Variants in PSMC3 observed in about 807,000 individuals in gnomAD.
PSMC3 encodes the protein proteasome 26S subunit, ATPase 3.
Under a neutral mutation model 52.0 loss-of-function variants are expected in PSMC3, and 11 were observed. That is an observed-to-expected ratio of 0.21 (90% CI 0.13 to 0.35). PSMC3 has a LOEUF of 0.35. PSMC3 is among the 10% of genes least tolerant of loss of function. PSMC3 has a pLI of 1.00. For synonymous variants in PSMC3, 201 were observed against 218.8 expected (o/e 0.92, Z 0.72); for missense variants, 238 against 567.1 (o/e 0.42, Z 5.89).
Position 47,424,391 on chromosome 11 carries a change from C to A in PSMC3, c.453+38G>T. 6.2e-7 allele frequency: 1 copy of A among 1,608,242 alleles called. No individual in the cohort carries two copies. Among genetic ancestry groups the A allele is most frequent in the South Asian group, 1.1e-5 (1 of 90,838 alleles). On this transcript the variant is annotated intron_variant, in intron 5 of 11. Coordinates refer to ENST00000298852, the MANE Select transcript of PSMC3 (RefSeq NM_002804.5). This position sits in a 1 kb window ranked among gnomAD's most constrained non-coding sequence, Gnocchi z 4.8. ...GGGCGGGTACAGGGGCTCAGCTAGT[C>A]ACCAGAAAAGCACTGCCTGGGCTCA...
At chr11:47,420,562 C>T (rs2096039276) in intron 9 of PSMC3, 69 bp downstream of exon 9, 2 of 1,509,484 alleles carry the variant, frequency 1.3e-6, no homozygotes, top group African/African-American at 1.4e-5. Context: ...CCACCACTGG[C>T]TAGCTGGGGG....
chr11:47,425,025 C>T, intron 3 of PSMC3, 96 bp downstream of exon 3: 1 of 1,557,118 alleles, frequency 6.4e-7, no homozygotes, highest in Non-Finnish European at 8.8e-7. Context: ...GCAGTTTGGC[C>T]TCAATACCTC....
In PSMC3 at chr11:47,424,014, A is replaced by G. The variant is rs1333006959; in HGVS notation, c.591+32T>C. 6 of 1,614,088 alleles carry G rather than the reference A, an allele frequency of 3.7e-6. No homozygotes were observed. Among genetic ancestry groups the G allele is most frequent in the Admixed American group, 3.3e-5 (2 of 60,024 alleles). On this transcript the variant is annotated intron_variant, in intron 6 of 11. Transcript: ENST00000298852. This position sits in a 1 kb window ranked among gnomAD's most constrained non-coding sequence, Gnocchi z 4.8. ...GGCGTGGAGAAACTAAAAGGCTGACAAGGCTGCTGGCAGCTGCCGTGCCTC... is the reference window on the plus strand; with the variant it reads ...GGCGTGGAGAAACTAAAAGGCTGACGAGGCTGCTGGCAGCTGCCGTGCCTC...
chr11:47,419,271 G>C, intron 10 of PSMC3, 74 bp from the exon 11 acceptor site: 1 of 1,497,772 alleles, frequency 6.7e-7, no homozygotes, highest in Non-Finnish European at 9.3e-7. Flanking sequence ...TCCTCCCCTG[G>C]CCCCGTCAAG....
In PSMC3 at chr11:47,424,164, T is replaced by C; in HGVS notation, c.473A>G (p.Tyr158Cys). 1 of 1,614,160 alleles carries C rather than the reference T, an allele frequency of 6.2e-7. No homozygotes were observed. Reference protein sequence around the residue: ...GDLVGVNKDSYLILETLPTEY... With the variant: ...GDLVGVNKDSCLILETLPTEY... The stretch of plus-strand genomic sequence containing the variant: ...TGTGGGCAGCGTCTCCAGGATCAGA[T>C]AGGAGTCTTTGTTCACACCCTAAGG... Residue 158 changes from tyrosine (Y) to cysteine (C), a missense_variant, in exon 6 of 12, where the codon TAT becomes TGT. This residue lies in a region of PSMC3 where 60 missense variants were observed against 117.3 expected (regional missense o/e 0.51). Coordinates refer to ENST00000298852, the MANE Select transcript of PSMC3 (RefSeq NM_002804.5). This position sits in a 1 kb window ranked among gnomAD's most constrained non-coding sequence, Gnocchi z 4.8.
rs1352019470 is a variant in PSMC3, at chr11:47,426,292, C to A, written c.-13G>T. 4.5e-6 allele frequency: 7 copies of A among 1,549,648 alleles called. No individual in the cohort carries two copies. Among genetic ancestry groups the A allele is most frequent in the Admixed American group, 2.0e-5 (1 of 50,758 alleles). On this transcript the variant is annotated 5_prime_UTR_variant, in exon 1 of 12. Transcript: ENST00000298852. The stretch of plus-strand genomic sequence containing the variant: ...GCAGCAGATTCATTTCCTGGAGGAG[C>A]GGGCAGAAGATGGGACCAGGCGGGA...
intron 10 of PSMC3, 21 bp downstream of exon 10, chr11:47,420,243 C>T (rs952840881): frequency 3.1e-6 from 5 of 1,613,312 alleles, no homozygotes; most frequent in Non-Finnish European, 3.4e-6. Context: ...GTCTCTGTGC[C>T]CTGCCCGTGC....
chr11:47,420,852 C>G, intron 8 of PSMC3, 125 bp from the exon 9 acceptor site: 1 of 764,588 alleles, frequency 1.3e-6, no homozygotes, highest in Non-Finnish European at 2.1e-6. Context: ...CAACTTGGGG[C>G]CCCCAGCCCA....
chr11:47,425,205 T>C lies in PSMC3; in HGVS notation c.201A>G (p.Gln67=), dbSNP rs560520604. The change falls in exon 3 of 12, where the codon CAA becomes CAG. Residue 67 remains glutamine (Q), a synonymous_variant. Transcript: ENST00000298852. Reference sequence around the variant, plus strand: ...TCTCTTTTATCTTGTCCTTCATGGCTTGGAGCTCATGGGTGACTCTCAACA... The same window carrying C: ...TCTCTTTTATCTTGTCCTTCATGGCCTGGAGCTCATGGGTGACTCTCAACA... ...SEVLRVTHEL[Q]AMKDKIKENS... 13 of 1,614,150 alleles carry C rather than the reference T, an allele frequency of 8.1e-6. No individual in the cohort carries two copies. In the East Asian group the frequency reaches 2.9e-4, roughly 36 times the overall value.
At position 47,425,151 on chromosome 11, in the gene PSMC3, G is replaced by T. The variant is rs761670119; in HGVS notation, c.255C>A (p.Thr85=). Reference sequence around the variant, plus strand: ...TGACGTTGGAGACAAGGTACGGCAGGGTCTTGTTCACTTTGATTTTCTCAC... The same window carrying T: ...TGACGTTGGAGACAAGGTACGGCAGTGTCTTGTTCACTTTGATTTTCTCAC... ...ENSEKIKVNK[T]LPYLVSNVIE... Residue 85 remains threonine, a synonymous_variant, in exon 3 of 12, where the codon ACC becomes ACA. Transcript: ENST00000298852. 7 of 1,613,962 alleles carry T rather than the reference G, an allele frequency of 4.3e-6. No homozygotes were observed. The highest frequency in any genetic ancestry group is 5.9e-6 in the Non-Finnish European group (7 of 1,180,028).
chr11:47,418,991 T>C (rs779377840), intron 11 of PSMC3, 46 bp from the exon 12 acceptor site: 1 of 1,608,602 alleles, frequency 6.2e-7, no homozygotes, highest in Non-Finnish European at 8.5e-7. Context: ...CCTGAATGCC[T>C]TCCCTGGCTC....
Position 47,422,739 on chromosome 11 carries a change from G to C in PSMC3, c.736-17C>G. The C allele has an allele frequency of 6.2e-7, 1 of 1,614,034 alleles. No individual in the cohort carries two copies. Among genetic ancestry groups the C allele is most frequent in the African/African-American group, 1.3e-5 (1 of 75,040 alleles). On this transcript the variant is annotated splice_polypyrimidine_tract_variant and intron_variant, in intron 7 of 11. Transcript: ENST00000298852. The surrounding 1 kb of genome is among the most constrained non-coding windows in gnomAD (Gnocchi z 4.3). Reference sequence around the variant, plus strand: ...GAAGGTGGCCTGGCAGGAAAAGGTGGTAGAGTCAGGTCAAAGGCAGACCCT... The same window carrying C: ...GAAGGTGGCCTGGCAGGAAAAGGTGCTAGAGTCAGGTCAAAGGCAGACCCT...
chr11:47,424,236 A>C lies in PSMC3; in HGVS notation c.454-53T>G, dbSNP rs1472185116. ...TTTGGCCCAGCTCAAGGGCTACCCA[A>C]CTGACTGGGTGACAGGTGTCTGCAG... is the stretch of plus-strand genomic sequence containing the variant. On this transcript the variant is annotated intron_variant, in intron 5 of 11. Transcript: ENST00000298852. The surrounding 1 kb of genome is among the most constrained non-coding windows in gnomAD (Gnocchi z 4.8). 6.2e-7 allele frequency: 1 copy of C among 1,612,482 alleles called. No individual in the cohort carries two copies. The highest frequency in any genetic ancestry group is 8.5e-7 in the Non-Finnish European group (1 of 1,178,544).
intron 2 of PSMC3, chr11:47,425,513 C>T (rs2096045375): frequency 1.8e-6 from 1 of 566,566 alleles, no homozygotes; most frequent in Non-Finnish European, 3.1e-6. Flanking sequence ...TTAGGTTCTG[C>T]CTCATAGTAA....
chr11:47,424,051 G>T lies in PSMC3; in HGVS notation c.586C>A (p.Gln196Lys). The T allele has an allele frequency of 6.2e-7, 1 of 1,614,174 alleles. No homozygotes were observed. Among genetic ancestry groups the T allele is most frequent in the Non-Finnish European group, 8.5e-7 (1 of 1,180,034 alleles). ...SDIGGLDKQI[Q>K]ELVEAIVLPM... ...AGCTGCCGTGCCTCCCTCACCTCCTGGATCTGCTTGTCCAAACCCCCAATG... is the reference window on the plus strand; with the variant it reads ...AGCTGCCGTGCCTCCCTCACCTCCTTGATCTGCTTGTCCAAACCCCCAATG... The change falls in exon 6 of 12, where the codon CAG becomes AAG. Residue 196 changes from glutamine (Q) to lysine (K), a missense_variant. Around this residue, in one of 6 missense-constraint regions of PSMC3, gnomAD observed 60 missense variants for 117.3 expected, o/e 0.51. Transcript: ENST00000298852. This position sits in a 1 kb window ranked among gnomAD's most constrained non-coding sequence, Gnocchi z 4.8.
chr11:47,422,489 G>A lies in PSMC3; in HGVS notation c.884+85C>T. On this transcript the variant is annotated intron_variant, in intron 8 of 11. Transcript: ENST00000298852. This position sits in a 1 kb window ranked among gnomAD's most constrained non-coding sequence, Gnocchi z 4.3. ...GGCAGGAGGGGATACAGGGTGGGAA[G>A]GAACCACAATTTAGCACAACTGAGA... 1.3e-6 allele frequency: 2 copies of A among 1,535,936 alleles called. No homozygotes were observed. The highest frequency in any genetic ancestry group is 3.5e-4 in the Middle Eastern group (2 of 5,796).
In PSMC3 at chr11:47,426,164, C is replaced by T. The variant is rs1250620191; in HGVS notation, c.75+41G>A. ...CCCTCTTGTCAATGGCGTCTCCCTG[C>T]GGGCCCCGGTTCCCGGACCGCCAGC... On this transcript the variant is annotated intron_variant, in intron 1 of 11. Transcript: ENST00000298852. The T allele has an allele frequency of 4.6e-6, 7 of 1,537,470 alleles. No homozygotes were observed. The Admixed American group carries it at 7.8e-5, about 17-fold the overall frequency.
intron 2 of PSMC3, 75 bp downstream of exon 2, chr11:47,425,792 G>A: frequency 3.0e-6 from 4 of 1,355,228 alleles, no homozygotes; most frequent in Non-Finnish European, 4.1e-6. Flanking sequence ...CGATTAGGAA[G>A]TACGAGAGGC....
rs746531281 is a variant in PSMC3 at position 47,426,430 on chromosome 11, C to T, written c.-151G>A. ...GACCAGCTCCGGCCGTGCTGCGGAG[C>T]AGCGAATCTGCCTCTCCGATTCCAA... On this transcript the variant is annotated 5_prime_UTR_variant, in exon 1 of 12. Transcript: ENST00000298852. 127 of 630,514 alleles carry T rather than the reference C, an allele frequency of 2.0e-4. No individual in the cohort carries two copies. Among genetic ancestry groups the T allele is most frequent in the Non-Finnish European group, 2.9e-4 (116 of 398,162 alleles). 39.1% of individuals were successfully genotyped at this position (630,514 alleles called of 1,614,324 possible). A position where few individuals can be genotyped will look rare whatever the true frequency, so the allele number is the denominator to read the frequency against.
Sources: allele counts gnomAD v4.1 joint callset, GRCh38; gene constraint gnomAD v4.1.1; regional missense constraint gnomAD v4.1.1; non-coding constraint Gnocchi (gnomAD v3.1); transcripts MANE v1.5; gene names NCBI Gene and HGNC (gene_info 2026-07-23, HGNC 2026-07-21).